The following KCTD1 variants were observed in gnomAD, a reference collection of about 807,000 sequenced individuals.
The protein encoded by KCTD1 is BTB/POZ domain-containing protein KCTD1.
In KCTD1, 24 loss-of-function variants were observed where a neutral mutation model predicts 66.0. That is an observed-to-expected ratio of 0.36 (90% CI 0.26 to 0.51). The LOEUF (loss-of-function observed/expected upper bound fraction) is 0.51, where lower values mean the gene tolerates loss of function less well. KCTD1 is among the 20% of genes least tolerant of loss of function. The probability of loss-of-function intolerance (pLI) is 0.95; values close to 1 mark genes in which losing one functional copy is unlikely to be tolerated. For missense variants in KCTD1, 943 were observed against 1,205.2 expected, an observed-to-expected ratio of 0.78 and a Z score of 3.22; for synonymous variants, 511 against 517.2, an observed-to-expected ratio of 0.99 and a Z score of 0.16.
At chr18:26,600,374 C>A in intron 1 of KCTD1, 1 of 1,087,540 alleles carries the variant, frequency 9.2e-7, no homozygotes, top group Non-Finnish European at 1.4e-6. Flanking sequence ...ATCTGCTCCT[C>A]CAGCCAACTC....
chr18:26,625,207 G>T (rs1987472710), intron 1 of KCTD1, among the ~76,000 whole-genome samples: 1 of 152,176 alleles, frequency 6.6e-6, no homozygotes. Context: ...GTTAATGCTG[G>T]AATGAATTAA....
chr18:26,465,478 C>T (rs1167599926), intron 3 of KCTD1, among the ~76,000 whole-genome samples: 4 of 152,240 alleles, frequency 2.6e-5, no homozygotes, highest in Non-Finnish European at 4.4e-5. Context: ...GTCCCCTCCT[C>T]ATCCAGGGGC....
intron 1 of KCTD1, among the ~76,000 whole-genome samples, chr18:26,572,853 A>G (rs1401026170): frequency 6.6e-6 from 1 of 152,194 alleles, no homozygotes; most frequent in Non-Finnish European, 1.5e-5. Context: ...AGGAGTTGAA[A>G]AAATGCTGGA....
At chr18:26,646,528 A>T (rs1987929519) in intron 1 of KCTD1, among the ~76,000 whole-genome samples, 1 of 152,218 alleles carries the variant, frequency 6.6e-6, no homozygotes, top group Non-Finnish European at 1.5e-5. Context: ...TAATTTGGAG[A>T]CGTTCTTACC....
At chr18:26,548,928 A>G, upstream of KCTD1, 1 of 987,034 alleles carries the variant, frequency 1.0e-6, no homozygotes, top group Non-Finnish European at 1.2e-6. Context: ...GGCGGGAGAG[A>G]GGGAGGGCCG....
upstream of KCTD1, among the ~76,000 whole-genome samples, chr18:26,552,567 TTG>T (rs1167012309): frequency 8.5e-5 from 13 of 152,248 alleles, no homozygotes; most frequent in Non-Finnish European, 1.6e-4. Flanking sequence ...GGCAACATTA[TTG>T]TTTGCAAGTT....
chr18:26,533,747 G>A (rs918340453), intron 1 of KCTD1, among the ~76,000 whole-genome samples: 2 of 150,186 alleles, frequency 1.3e-5, no homozygotes, highest in Non-Finnish European at 2.9e-5. Context: ...TGATCTGCCT[G>A]CCTCAGCCTC....
At chr18:26,478,674 G>A (rs1262225030) in intron 2 of KCTD1, among the ~76,000 whole-genome samples, 1 of 152,228 alleles carries the variant, frequency 6.6e-6, no homozygotes, top group African/African-American at 2.4e-5. Flanking sequence ...ATGTGTAAAG[G>A]AACCAGGACT....
intron 2 of KCTD1, among the ~76,000 whole-genome samples, chr18:26,477,106 C>A (rs1240770976): frequency 1.3e-5 from 2 of 152,176 alleles, no homozygotes; most frequent in African/African-American, 4.8e-5. Flanking sequence ...CCCAAACTTT[C>A]TAAAAATAAG....
At chr18:26,525,645 C>A (rs1217440757) in intron 1 of KCTD1, among the ~76,000 whole-genome samples, 3 of 152,230 alleles carry the variant, frequency 2.0e-5, no homozygotes, top group Admixed American at 1.3e-4. Context: ...TGATAACCAA[C>A]TGTCATGTCC....
chr18:26,580,506 C>G (rs1986326994), intron 1 of KCTD1, among the ~76,000 whole-genome samples: 1 of 152,122 alleles, frequency 6.6e-6, no homozygotes, highest in African/African-American at 2.4e-5. Context: ...ACACTCTCAG[C>G]CTGCGTTGGT....
At chr18:26,589,206 A>T (rs1231858632) in intron 1 of KCTD1, among the ~76,000 whole-genome samples, 1 of 152,220 alleles carries the variant, frequency 6.6e-6, no homozygotes, top group Non-Finnish European at 1.5e-5. Context: ...AGGGCAACAG[A>T]GAGACAAGAC....
chr18:26,549,927 T>A, upstream of KCTD1: 1 of 406,642 alleles, frequency 2.5e-6, no homozygotes, highest in Non-Finnish European at 3.3e-6. Flanking sequence ...CGTCGCCGCC[T>A]CCCGCTCTCC....
At chr18:26,552,897 G>A (rs2000649), upstream of KCTD1, among the ~76,000 whole-genome samples, 98,877 of 152,054 alleles carry the variant, frequency 0.65, 32,736 homozygotes, top group African/African-American at 0.78. Context: ...TGTAATTACT[G>A]AAAGATTCAT....
intron 1 of KCTD1, among the ~76,000 whole-genome samples, chr18:26,542,729 G>A (rs1985032670): frequency 6.6e-6 from 1 of 152,058 alleles, no homozygotes; most frequent in African/African-American, 2.4e-5. Context: ...TTAAAATCAG[G>A]GTGATACAAA....
chr18:26,580,008 C>G (rs1986316889), intron 1 of KCTD1, among the ~76,000 whole-genome samples: 1 of 152,154 alleles, frequency 6.6e-6, no homozygotes, highest in South Asian at 2.1e-4. Flanking sequence ...TGGATTCTCT[C>G]AGAAGCAGGT....
At chr18:26,607,800 C>T (rs983382063) in intron 1 of KCTD1, among the ~76,000 whole-genome samples, 2 of 152,178 alleles carry the variant, frequency 1.3e-5, no homozygotes, top group Non-Finnish European at 2.9e-5. Context: ...CAGGGTCTTA[C>T]TCTGTCATCC....
chr18:26,549,061 G>A, upstream of KCTD1: 8 of 985,318 alleles, frequency 8.1e-6, no homozygotes, highest in Non-Finnish European at 8.4e-6. Context: ...GGCGGGCCGC[G>A]GGTGCTGCCG....
At chr18:26,602,769 T>C (rs1986925831) in intron 1 of KCTD1, among the ~76,000 whole-genome samples, 1 of 152,222 alleles carries the variant, frequency 6.6e-6, no homozygotes, top group Non-Finnish European at 1.5e-5. Context: ...AAGTTCTCCT[T>C]CCACAGCTGT....
Sources: allele counts gnomAD v4.1 joint callset (sites outside exome capture counted in the v4.1 genomes callset), GRCh38; gene constraint gnomAD v4.1.1; transcripts MANE v1.5; gene names NCBI Gene and HGNC (gene_info 2026-07-23, HGNC 2026-07-21).